Variants in ZNF592 observed in about 807,000 individuals in gnomAD.
ZNF592 encodes spinocerebellar ataxia, autosomal recessive 5.
ZNF592 carries 11 observed loss-of-function variants against 80.3 expected under a neutral mutation model. The ratio of observed to expected loss-of-function variants is 0.14; its 90% CI spans 0.09 to 0.23. ZNF592 has a LOEUF of 0.23. ZNF592 is among the 10% of genes least tolerant of loss of function. The pLI is 1.00. For missense variants in ZNF592, 1,420 were observed against 1,633.9 expected (o/e 0.87, Z 2.26); for synonymous variants, 646 against 640.3 (o/e 1.01, Z -0.13).
At position 84,765,152 on chromosome 15, in the gene ZNF592, T is replaced by A. The variant is rs574858461; in HGVS notation, c.-150+337T>A. On this transcript the variant is annotated intron_variant, in intron 2 of 10. Transcript: ENST00000560079. ...ATTTGCCTACTCTAGGGACCTCATG[T>A]AAGTGGAATCATTCAGTATTTGTCT... 6.6e-5 allele frequency among the ~76,000 whole-genome samples: 10 copies of A among 152,336 alleles called. 1 individual carries two copies. In the South Asian group the frequency reaches 2.1e-3, roughly 32 times the overall value.
rs139958745 is a variant in ZNF592, at chr15:84,782,605, GGTCCA to G, written c.-19-49_-19-45del. 1,271 of 1,542,572 alleles carry G rather than the reference GGTCCA, an allele frequency of 8.2e-4. 6 individuals are homozygous for G. The African/African-American group carries it at 0.016, about 19-fold the overall frequency. On this transcript the variant is annotated intron_variant, in intron 3 of 10. Coordinates refer to ENST00000560079, the MANE Select transcript of ZNF592 (RefSeq NM_014630.3). ...AGTTTGATGGGTGTGTAGTGAAGAT[GGTCCA>G]GTGGGACCCTGGTGGTCACTGATTC...
At chr15:84,776,282 A>G (rs1433755468) in intron 2 of ZNF592, among the ~76,000 whole-genome samples, 2 of 152,286 alleles carry the variant, frequency 1.3e-5, no homozygotes, top group Non-Finnish European at 2.9e-5. Flanking sequence ...CAAGGTAGGC[A>G]GCTGCCTGTG....
At chr15:84,779,463 C>T (rs1056275993) in intron 3 of ZNF592, among the ~76,000 whole-genome samples, 6 of 152,124 alleles carry the variant, frequency 3.9e-5, no homozygotes, top group Non-Finnish European at 7.4e-5. Context: ...TGATCTTTGG[C>T]TTTTAAAGGC....
chr15:84,788,641 A>G (rs1276146764), intron 4 of ZNF592, among the ~76,000 whole-genome samples: 2 of 152,244 alleles, frequency 1.3e-5, no homozygotes, highest in African/African-American at 2.4e-5. Flanking sequence ...AATGTTAAGT[A>G]TATTCACACT....
chr15:84,799,145 C>T lies in ZNF592; in HGVS notation c.3072C>T (p.Thr1024=), dbSNP rs201123182. The change falls in exon 9 of 11, where the codon ACC becomes ACT. Residue 1024 remains threonine, a synonymous_variant. Transcript: ENST00000560079. The surrounding 1 kb of genome is among the most constrained non-coding windows in gnomAD (Gnocchi z 4.2). The part of the protein sequence containing the change: ...PCRQCEQSFH[T]PNSLRKHIRN... ...GGCAGTGTGAACAGTCCTTCCACAC[C>T]CCCAACAGCCTGCGCAAACACATCC... The T allele has an allele frequency of 5.5e-5, 88 of 1,614,002 alleles. No homozygotes were observed. The highest frequency in any genetic ancestry group is 6.7e-5 in the Admixed American group (4 of 59,996).
At chr15:84,772,903 A>G (rs1389469522) in intron 2 of ZNF592, among the ~76,000 whole-genome samples, 1 of 152,116 alleles carries the variant, frequency 6.6e-6, no homozygotes. Context: ...CTGCCTCCTT[A>G]ATGTCCTGTT....
rs758657618 is a variant in ZNF592 at position 84,802,386 on chromosome 15, A to C, written c.3797A>C (p.Gln1266Pro). 8 of 1,613,388 alleles carry C rather than the reference A, an allele frequency of 5.0e-6. No individual in the cohort carries two copies. In the Admixed American group the frequency reaches 8.3e-5, roughly 17 times the overall value. The change falls in exon 11 of 11, where the codon CAG becomes CCG. Residue 1266 changes from glutamine (Q) to proline (P), a missense_variant. Transcript: ENST00000560079. ...QDQDSHTLSP[Q>P]V ...CAGGACAGCCACACACTGTCCCCTC[A>C]GGTGTGACCGGAGACTTTGCAGTGT...
At chr15:84,771,715 G>A (rs1326493730) in intron 2 of ZNF592, among the ~76,000 whole-genome samples, 1 of 152,138 alleles carries the variant, frequency 6.6e-6, no homozygotes, top group Admixed American at 6.5e-5. Context: ...CTTACGTACT[G>A]CTGAGAATCT....
In ZNF592 at chr15:84,784,349, C is replaced by T. The variant is rs1962521511; in HGVS notation, c.1674C>T (p.Val558=). ...APLIVEVFNK[V]LHSSNPVPLY... ...TGATTGTAGAGGTCTTCAACAAGGTCCTTCACAGCTCCAACCCCGTGCCCC... is the reference window on the plus strand; with the variant it reads ...TGATTGTAGAGGTCTTCAACAAGGTTCTTCACAGCTCCAACCCCGTGCCCC... Residue 558 remains valine, a synonymous_variant, in exon 4 of 11, where the codon GTC becomes GTT. Coordinates refer to ENST00000560079, the MANE Select transcript of ZNF592 (RefSeq NM_014630.3). The surrounding 1 kb of genome is among the most constrained non-coding windows in gnomAD (Gnocchi z 5.8). 4 of 1,614,234 alleles carry T rather than the reference C, an allele frequency of 2.5e-6. No homozygotes were observed. Among genetic ancestry groups the T allele is most frequent in the Non-Finnish European group, 3.4e-6 (4 of 1,180,042 alleles).
At chr15:84,778,664 C>G (rs188084294) in intron 3 of ZNF592, among the ~76,000 whole-genome samples, 4 of 152,316 alleles carry the variant, frequency 2.6e-5, no homozygotes, top group Admixed American at 2.6e-4. Flanking sequence ...CCCAATGACC[C>G]CTTTTCCTAC....
intron 5 of ZNF592, among the ~76,000 whole-genome samples, chr15:84,796,564 G>C (rs1962927142): frequency 6.6e-6 from 1 of 151,952 alleles, no homozygotes; most frequent in African/African-American, 2.4e-5. Context: ...AGGTTGGCAT[G>C]GAGGAAGGTC....
At position 84,798,238 on chromosome 15, in the gene ZNF592, G is replaced by A. The variant is rs1962978316; in HGVS notation, c.2577-77G>A. On this transcript the variant is annotated intron_variant, in intron 6 of 10. Coordinates refer to ENST00000560079, the MANE Select transcript of ZNF592 (RefSeq NM_014630.3). This position sits in a 1 kb window ranked among gnomAD's most constrained non-coding sequence, Gnocchi z 4.5. ...TAGTGCTTTCCCAAACTTGACCCTGGTTCAGAGAGAGCAGAGATGGGTGGA... is the reference window on the plus strand; with the variant it reads ...TAGTGCTTTCCCAAACTTGACCCTGATTCAGAGAGAGCAGAGATGGGTGGA... 1 of 1,607,974 alleles carries A rather than the reference G, an allele frequency of 6.2e-7. No homozygotes were observed. The highest frequency in any genetic ancestry group is 1.7e-5 in the Admixed American group (1 of 60,014).
chr15:84,751,356 G>T (rs1055767029), intron 1 of ZNF592, among the ~76,000 whole-genome samples: 1 of 152,202 alleles, frequency 6.6e-6, no homozygotes, highest in Non-Finnish European at 1.5e-5. Flanking sequence ...TTCAAAGCAC[G>T]TCTGCCTGAA....
At chr15:84,754,997 A>C (rs1596103763) in intron 1 of ZNF592, among the ~76,000 whole-genome samples, 4 of 122,680 alleles carry the variant, frequency 3.3e-5, no homozygotes, top group East Asian at 2.3e-4. Flanking sequence ...GCAGAGTGTC[A>C]CTCTGTTGCC....
rs3748376 is a variant in ZNF592, at chr15:84,785,121, C to T, written c.2220+226C>T. 0.19 allele frequency among the ~76,000 whole-genome samples: 29,623 copies of T among 152,102 alleles called. 3,642 individuals carry two copies. Among genetic ancestry groups the T allele is most frequent in the Middle Eastern group, 0.36 (106 of 294 alleles). On this transcript the variant is annotated intron_variant, in intron 4 of 10. Coordinates refer to ENST00000560079, the MANE Select transcript of ZNF592 (RefSeq NM_014630.3). Reference sequence around the variant, plus strand: ...AGCAAGTGTATTTACGGACGTGTCCCGTGTTCCACTCAACTTCCCCTCAAA... The same window carrying T: ...AGCAAGTGTATTTACGGACGTGTCCTGTGTTCCACTCAACTTCCCCTCAAA...
chr15:84,783,561 G>A lies in ZNF592; in HGVS notation c.886G>A (p.Val296Met). 1.2e-6 allele frequency: 2 copies of A among 1,614,212 alleles called. No individual in the cohort carries two copies. Among genetic ancestry groups the A allele is most frequent in the East Asian group, 4.5e-5 (2 of 44,876 alleles). The change falls in exon 4 of 11, where the codon GTG becomes ATG. Residue 296 changes from valine to methionine, a missense_variant. Val to Met is a conservative substitution (Grantham distance 21). Coordinates refer to ENST00000560079, the MANE Select transcript of ZNF592 (RefSeq NM_014630.3). The surrounding 1 kb of genome is among the most constrained non-coding windows in gnomAD (Gnocchi z 5.0). ...AALVALQAKR[V>M]ASVTKEDQPG... ...CTTGGTGGCCTTGCAGGCCAAAAGAGTGGCTAGTGTCACTAAGGAGGATCA... is the reference window on the plus strand; with the variant it reads ...CTTGGTGGCCTTGCAGGCCAAAAGAATGGCTAGTGTCACTAAGGAGGATCA...
chr15:84,794,040 G>A (rs1226015720), intron 5 of ZNF592, among the ~76,000 whole-genome samples: 1 of 151,992 alleles, frequency 6.6e-6, no homozygotes, highest in Non-Finnish European at 1.5e-5. Context: ...GAATAGCTGG[G>A]TCAAATAGTA....
intron 2 of ZNF592, among the ~76,000 whole-genome samples, chr15:84,765,354 C>T (rs1899477234): frequency 2.0e-5 from 3 of 151,982 alleles, no homozygotes; most frequent in African/African-American, 7.2e-5. Flanking sequence ...TTGTGTCCTC[C>T]CGCTCTTAAT....
At chr15:84,756,272 C>T (rs560682292) in intron 1 of ZNF592, among the ~76,000 whole-genome samples, 2 of 152,362 alleles carry the variant, frequency 1.3e-5, no homozygotes, top group African/African-American at 4.8e-5. Flanking sequence ...CCACATTGCC[C>T]TTGGCAAGCT....
Sources: allele counts gnomAD v4.1 joint callset (sites outside exome capture counted in the v4.1 genomes callset), GRCh38; gene constraint gnomAD v4.1.1; non-coding constraint Gnocchi (gnomAD v3.1); transcripts MANE v1.5; gene names NCBI Gene and HGNC (gene_info 2026-07-23, HGNC 2026-07-21).